TRAM2: variants seen among roughly 807,000 people sequenced by gnomAD.
TRAM2 encodes translocating chain-associated membrane protein 2.
In TRAM2, 12 loss-of-function variants were observed where a neutral mutation model predicts 51.0. The ratio of observed to expected loss-of-function variants is 0.24; its 90% CI spans 0.15 to 0.38. TRAM2 has a LOEUF of 0.38. Among genes scored for constraint, TRAM2 ranks in the 10% least tolerant of loss-of-function variants. The pLI, the probability that TRAM2 is intolerant of heterozygous loss-of-function variation, is 1.00. For synonymous variants in TRAM2, 175 were observed against 179.4 expected (o/e 0.98, Z 0.20); for missense variants, 361 against 462.0 (o/e 0.78, Z 2.00).
At chr6:52,568,747 T>A (rs909100918) in intron 1 of TRAM2, among the ~76,000 whole-genome samples, 1 of 152,214 alleles carries the variant, frequency 6.6e-6, no homozygotes, top group Non-Finnish European at 1.5e-5. Context: ...AGCCTCTTTT[T>A]AAAAGTCTCT....
In TRAM2 at chr6:52,576,813, T is replaced by C. The variant is rs764342345; in HGVS notation, c.103A>G (p.Ile35Val). The C allele has an allele frequency of 3.7e-6, 6 of 1,613,524 alleles. No individual in the cohort carries two copies. Among genetic ancestry groups the C allele is most frequent in the Non-Finnish European group, 4.2e-6 (5 of 1,179,668 alleles). Reference sequence around the variant, plus strand: ...GCTCTCACCTCGAACATAAGCCCGATGAGGACGCAGAGCACCAGGCAGAAG... The same window carrying C: ...GCTCTCACCTCGAACATAAGCCCGACGAGGACGCAGAGCACCAGGCAGAAG... The part of the protein sequence containing the change: ...IGFCLVLCVL[I>V]GLMFEVTAKT... Residue 35 changes from isoleucine (I) to valine (V), a missense_variant, in exon 1 of 11, where the codon ATC becomes GTC. Transcript: ENST00000182527.
At chr6:52,535,184 T>C (rs1766958284) in intron 2 of TRAM2, among the ~76,000 whole-genome samples, 1 of 152,210 alleles carries the variant, frequency 6.6e-6, no homozygotes, top group African/African-American at 2.4e-5. Flanking sequence ...ATGGTCATGA[T>C]GCCTCACATC....
intron 2 of TRAM2, among the ~76,000 whole-genome samples, chr6:52,518,238 C>T (rs1191825533): frequency 1.3e-5 from 2 of 152,064 alleles, no homozygotes; most frequent in East Asian, 1.9e-4. Context: ...CATTGGAACT[C>T]GGGGACCAGC....
intron 2 of TRAM2, among the ~76,000 whole-genome samples, chr6:52,535,223 G>C (rs1052641435): frequency 1.2e-4 from 19 of 152,234 alleles, no homozygotes; most frequent in Admixed American, 1.2e-3. Flanking sequence ...AATGTTAGAT[G>C]CTTTGGAGAA....
chr6:52,526,506 C>A (rs1029726070), intron 2 of TRAM2, among the ~76,000 whole-genome samples: 1 of 152,084 alleles, frequency 6.6e-6, no homozygotes, highest in Non-Finnish European at 1.5e-5. Flanking sequence ...TGTGCCTCGG[C>A]CTCCTGAGTA....
intron 6 of TRAM2, 133 bp from the exon 7 acceptor site, chr6:52,507,756 C>T (rs373135793): frequency 3.0e-5 from 23 of 767,800 alleles, no homozygotes; most frequent in Admixed American, 1.7e-4. Context: ...CCATGTCCCA[C>T]GAGTCCCACA....
chr6:52,546,872 C>A (rs1202819849), intron 1 of TRAM2, among the ~76,000 whole-genome samples: 1 of 152,148 alleles, frequency 6.6e-6, no homozygotes, highest in Non-Finnish European at 1.5e-5. Flanking sequence ...AGCCCGTGAC[C>A]AGGTTTTTGT....
intron 10 of TRAM2, among the ~76,000 whole-genome samples, chr6:52,503,483 G>C (rs1296961332): frequency 6.6e-6 from 1 of 152,172 alleles, no homozygotes; most frequent in Non-Finnish European, 1.5e-5. Context: ...CCCTGGACTA[G>C]TGGCCCTGTT....
chr6:52,536,147 G>A (rs901690336), intron 1 of TRAM2, among the ~76,000 whole-genome samples: 2 of 152,180 alleles, frequency 1.3e-5, no homozygotes. Flanking sequence ...TCAGCCATTC[G>A]TTCATTCAGA....
At chr6:52,516,380 A>G (rs1766549903) in intron 3 of TRAM2, 2 of 592,914 alleles carry the variant, frequency 3.4e-6, no homozygotes, top group Admixed American at 3.0e-5. Flanking sequence ...TGTGCCCCAG[A>G]CCCATAAGGA....
chr6:52,551,774 G>A (rs553986095), intron 1 of TRAM2, among the ~76,000 whole-genome samples: 4 of 152,374 alleles, frequency 2.6e-5, no homozygotes, highest in Admixed American at 1.3e-4. Flanking sequence ...GGGTCAGTAC[G>A]GCGCTAGCCA....
At chr6:52,513,357 A>G (rs1766486897) in intron 4 of TRAM2, among the ~76,000 whole-genome samples, 1 of 152,248 alleles carries the variant, frequency 6.6e-6, no homozygotes, top group Non-Finnish European at 1.5e-5. Flanking sequence ...TTATTCACTC[A>G]TTCTCATAGC....
intron 1 of TRAM2, among the ~76,000 whole-genome samples, chr6:52,540,444 T>C (rs1310934379): frequency 1.3e-5 from 2 of 152,148 alleles, no homozygotes; most frequent in Non-Finnish European, 2.9e-5. Flanking sequence ...TGGCTAAAGG[T>C]GGCCAGAAAT....
chr6:52,547,277 C>T (rs748880314), intron 1 of TRAM2, among the ~76,000 whole-genome samples: 1 of 152,164 alleles, frequency 6.6e-6, no homozygotes, highest in Non-Finnish European at 1.5e-5. Context: ...CTGGGAATTA[C>T]ACCAATCCAA....
rs528741399 is a variant in TRAM2, at chr6:52,542,195, G to T, written c.121-6349C>A. On this transcript the variant is annotated intron_variant, in intron 1 of 10. Transcript: ENST00000182527. The stretch of plus-strand genomic sequence containing the variant: ...CATCTTTCTGCGGAGGAAGTGAATA[G>T]GAAAATTTCAGGCAGACAAGAAAAC... Among the ~76,000 whole-genome samples the T allele has an allele frequency of 2.0e-5, 3 of 151,874 alleles. No individual in the cohort carries two copies. In the East Asian group the frequency reaches 5.8e-4, roughly 29 times the overall value.
At chr6:52,576,685 G>A in intron 1 of TRAM2, 111 bp downstream of exon 1, 5 of 1,403,846 alleles carry the variant, frequency 3.6e-6, no homozygotes, top group Middle Eastern at 3.8e-4. Flanking sequence ...TAACGTACAC[G>A]GCAGCCAGGA....
At chr6:52,538,226 C>G (rs536231354) in intron 1 of TRAM2, among the ~76,000 whole-genome samples, 5 of 152,334 alleles carry the variant, frequency 3.3e-5, no homozygotes, top group African/African-American at 1.2e-4. Context: ...GCACATATCT[C>G]CCACTTGATT....
intron 4 of TRAM2, among the ~76,000 whole-genome samples, chr6:52,510,930 C>T (rs1421403461): frequency 6.6e-6 from 1 of 152,230 alleles, no homozygotes; most frequent in Non-Finnish European, 1.5e-5. Context: ...GAGTGCAATA[C>T]ACACCAGTTG....
rs201207252 is a variant in TRAM2 at position 52,504,583 on chromosome 6, G to T, written c.1039+8C>A. 1.8e-5 allele frequency: 29 copies of T among 1,614,014 alleles called. No homozygotes were observed. The East Asian group carries it at 5.3e-4, about 30-fold the overall frequency. ...GCTCCACTCTCTGCCAAGGGCCCTG[G>T]CACTCACCAGATTCCCTCTTGATGA... On this transcript the variant is annotated splice_region_variant and intron_variant, in intron 10 of 10. Coordinates refer to ENST00000182527, the MANE Select transcript of TRAM2 (RefSeq NM_012288.4).
Sources: gnomAD v4.1 joint callset for allele counts (sites outside exome capture counted in the v4.1 genomes callset) on GRCh38, gnomAD v4.1.1 for gene constraint, MANE v1.5 for transcripts, NCBI Gene and HGNC (gene_info 2026-07-23, HGNC 2026-07-21) for gene names.